The following TRIM58 variants were observed in gnomAD, a reference collection of about 807,000 sequenced individuals.
The protein encoded by TRIM58 is E3 ubiquitin-protein ligase TRIM58.
In TRIM58, 38 loss-of-function variants were observed where a neutral mutation model predicts 34.1. That is an observed-to-expected ratio of 1.12 (90% CI 0.86 to 1.46). The LOEUF is 1.46. TRIM58 is among the 40% of genes most tolerant of loss of function. The probability of loss-of-function intolerance (pLI) is 0.00; values close to 1 mark genes in which losing one functional copy is unlikely to be tolerated. For synonymous variants in TRIM58, 273 were observed against 275.7 expected (o/e 0.99, Z 0.10); for missense variants, 677 against 642.0 (o/e 1.05, Z -0.59).
intron 2 of TRIM58, among the ~76,000 whole-genome samples, chr1:247,861,164 A>G (rs1663783647): frequency 6.6e-6 from 1 of 152,080 alleles, no homozygotes; most frequent in Non-Finnish European, 1.5e-5. Context: ...ACATACACAT[A>G]TTCCATTTTT....
Position 247,857,323 on chromosome 1 carries a change from C to A in TRIM58, c.77C>A (p.Pro26Gln). The change falls in exon 1 of 6, where the codon CCG becomes CAG. Residue 26 changes from proline (P) to glutamine (Q), a missense_variant. Physicochemically the swap from Pro to Gln is moderately conservative, Grantham distance 76. Transcript: ENST00000366481. The stretch of plus-strand genomic sequence containing the variant: ...GTGTGCCTGGATTTCCTGCAGGAGC[C>A]GGTCAGCGTGGACTGCGGCCACAGC... Reference protein sequence around the residue: ...CPVCLDFLQEPVSVDCGHSFC... With the variant: ...CPVCLDFLQEQVSVDCGHSFC... The A allele has an allele frequency of 6.9e-7, 1 of 1,456,724 alleles. No individual in the cohort carries two copies. Among genetic ancestry groups the A allele is most frequent in the Non-Finnish European group, 9.1e-7 (1 of 1,099,560 alleles). 90.2% of individuals were successfully genotyped at this position (1,456,724 alleles called of 1,614,324 possible). A position where few individuals can be genotyped will look rare whatever the true frequency, so the allele number is the denominator to read the frequency against.
At chr1:247,863,285 A>G (rs1056816407) in intron 2 of TRIM58, among the ~76,000 whole-genome samples, 1 of 152,230 alleles carries the variant, frequency 6.6e-6, no homozygotes, top group Non-Finnish European at 1.5e-5. Flanking sequence ...CACGCCTGTA[A>G]TCCCAGCACT....
Position 247,869,048 on chromosome 1 carries a change from T to A in TRIM58, c.871+985T>A, listed in dbSNP as rs545699486. Among the ~76,000 whole-genome samples, 16 of 152,258 alleles carry A rather than the reference T, an allele frequency of 1.1e-4. 1 individual carries two copies. In the South Asian group the frequency reaches 3.3e-3, roughly 32 times the overall value. On this transcript the variant is annotated intron_variant, in intron 5 of 5. Transcript: ENST00000366481. ...CCGAGTAGCTGGGATTACAGGCACA[T>A]GCCACCATGCCTGGCTAATTTTTAT...
intron 5 of TRIM58, among the ~76,000 whole-genome samples, chr1:247,872,952 G>A (rs568080657): frequency 2.0e-5 from 3 of 152,280 alleles, no homozygotes; most frequent in Admixed American, 6.5e-5. Flanking sequence ...ACTCTGGGCC[G>A]GGCGCGGTGG....
In TRIM58 at chr1:247,857,268, G is replaced by A. The variant is rs1663651651; in HGVS notation, c.22G>A (p.Glu8Lys). The change falls in exon 1 of 6, where the codon GAG becomes AAG. Residue 8 changes from glutamate (E) to lysine (K), a missense_variant. By Grantham distance (56) the Glu-to-Lys change is moderately conservative (BLOSUM62 1). Coordinates refer to ENST00000366481, the MANE Select transcript of TRIM58 (RefSeq NM_015431.4). MAWAPPGERLREDARCPV... is the reference protein window; with the variant it reads MAWAPPGKRLREDARCPV... ...GGTCATGGCCTGGGCGCCGCCCGGGGAGCGGCTGCGCGAGGATGCGCGGTG... is the reference window on the plus strand; with the variant it reads ...GGTCATGGCCTGGGCGCCGCCCGGGAAGCGGCTGCGCGAGGATGCGCGGTG... 3 of 1,349,130 alleles carry A rather than the reference G, an allele frequency of 2.2e-6. No homozygotes were observed. Among genetic ancestry groups the A allele is most frequent in the Non-Finnish European group, 2.9e-6 (3 of 1,043,486 alleles). 83.6% of individuals were successfully genotyped at this position (1,349,130 alleles called of 1,614,324 possible).
In TRIM58 at chr1:247,876,177, C is replaced by T. The variant is rs202073339; in HGVS notation, c.1149C>T (p.Ala383=). ...CATCTCCTGAGAATGGGGTCTGGGCCCTGTGGCTGCTGAAAGGGAATGAGT... is the reference window on the plus strand; with the variant it reads ...CATCTCCTGAGAATGGGGTCTGGGCTCTGTGGCTGCTGAAAGGGAATGAGT... ...TTPSPENGVW[A]LWLLKGNEYM... Residue 383 remains alanine, a synonymous_variant, in exon 6 of 6, where the codon GCC becomes GCT. Transcript: ENST00000366481. The T allele has an allele frequency of 3.1e-6, 5 of 1,614,038 alleles. No homozygotes were observed. Among genetic ancestry groups the T allele is most frequent in the Non-Finnish European group, 3.4e-6 (4 of 1,180,048 alleles).
chr1:247,866,443 A>G (rs1182591256), intron 3 of TRIM58, among the ~76,000 whole-genome samples: 1 of 152,050 alleles, frequency 6.6e-6, no homozygotes, highest in African/African-American at 2.4e-5. Context: ...TTGGCCTCCC[A>G]AAGTGTTGGG....
At chr1:247,875,325 A>C (rs566095566) in intron 5 of TRIM58, among the ~76,000 whole-genome samples, 1 of 152,276 alleles carries the variant, frequency 6.6e-6, no homozygotes, top group East Asian at 1.9e-4. Flanking sequence ...GGGGTTTATA[A>C]ATTTTATGTT....
In TRIM58 at chr1:247,867,825, T is replaced by C; in HGVS notation, c.748-20T>C. On this transcript the variant is annotated intron_variant, in intron 3 of 5. Coordinates refer to ENST00000366481, the MANE Select transcript of TRIM58 (RefSeq NM_015431.4). ...GCAGTTCAGAGTCCAACTCACACTG[T>C]GTTTTTCTTTCCTTTTCAGGGTGTG... The C allele has an allele frequency of 6.2e-7, 1 of 1,614,182 alleles. No individual in the cohort carries two copies. Among genetic ancestry groups the C allele is most frequent in the Non-Finnish European group, 8.5e-7 (1 of 1,180,030 alleles).
Position 247,857,660 on chromosome 1 carries a change from CTACCAGGTGAGGCGCCCCCCGGCGGG to C in TRIM58, c.415_420+20del. On this transcript the variant is annotated splice_donor_variant and splice_donor_5th_base_variant and coding_sequence_variant and intron_variant, in exon 1 of 6. Coordinates refer to ENST00000366481, the MANE Select transcript of TRIM58 (RefSeq NM_015431.4). LOFTEE classifies it high-confidence loss of function. ...CGCCGCTGCAGGAGGCCGCCGGCAG[CTACCAGGTGAGGCGCCCCCCGGCGGG>C]GGCTGCGGGCGCTGCGGTGACCGGG... 1 of 1,230,198 alleles carries C rather than the reference CTACCAGGTGAGGCGCCCCCCGGCGGG, an allele frequency of 8.1e-7. No homozygotes were observed. The highest frequency in any genetic ancestry group is 3.2e-4 in the Middle Eastern group (1 of 3,142). 76.2% of individuals were successfully genotyped at this position (1,230,198 alleles called of 1,614,324 possible). A position where few individuals can be genotyped will look rare whatever the true frequency, so the allele number is the denominator to read the frequency against.
In TRIM58 at chr1:247,859,804, A is replaced by G. The variant is rs574915643; in HGVS notation, c.421-813A>G. On this transcript the variant is annotated intron_variant, in intron 1 of 5. Coordinates refer to ENST00000366481, the MANE Select transcript of TRIM58 (RefSeq NM_015431.4). ...GAAATATATAAATATAGAGAAATGT[A>G]TAAATATAGTTATATAGAGAAATAT... Among the ~76,000 whole-genome samples the G allele has an allele frequency of 1.6e-4, 24 of 152,108 alleles. 1 individual carries two copies. In the South Asian group the frequency reaches 2.3e-3, roughly 14 times the overall value.
intron 5 of TRIM58, among the ~76,000 whole-genome samples, chr1:247,870,052 T>C (rs1359306617): frequency 1.3e-5 from 2 of 152,188 alleles, no homozygotes; most frequent in African/African-American, 4.8e-5. Context: ...GACTAAAGTC[T>C]GTCCAGGTGT....
chr1:247,871,310 G>C (rs891726212), intron 5 of TRIM58, among the ~76,000 whole-genome samples: 1 of 152,214 alleles, frequency 6.6e-6, no homozygotes, highest in Admixed American at 6.5e-5. Context: ...TATTGGCTGA[G>C]AATTTGATGA....
In TRIM58 at chr1:247,863,204, G is replaced by T. The variant is rs539338423; in HGVS notation, c.517-1501G>T. On this transcript the variant is annotated intron_variant, in intron 2 of 5. Coordinates refer to ENST00000366481, the MANE Select transcript of TRIM58 (RefSeq NM_015431.4). ...GGATGTTTAGTTTAAAAAGGTGATA[G>T]CTCATGCCTTTTAGTCAAAGCAAGA... Among the ~76,000 whole-genome samples the T allele has an allele frequency of 1.1e-4, 16 of 152,302 alleles. No homozygotes were observed. In the South Asian group the frequency reaches 3.3e-3, roughly 32 times the overall value.
At chr1:247,860,798 C>G (rs1020879771) in intron 2 of TRIM58, 86 bp downstream of exon 2, 5 of 1,078,730 alleles carry the variant, frequency 4.6e-6, no homozygotes, top group African/African-American at 1.6e-5. Context: ...CTTCCATTCT[C>G]CAGCACTTTT....
chr1:247,878,228 G>A lies in TRIM58; in HGVS notation c.*1739G>A, dbSNP rs1659334688. 6.6e-6 allele frequency: 1 copy of A among 151,862 alleles called. No homozygotes were observed. Among genetic ancestry groups the A allele is most frequent in the Admixed American group, 6.6e-5 (1 of 15,232 alleles). The allele number at this position is 151,862 out of a possible 1,614,324, so 9.4% of individuals were successfully genotyped here. A position where few individuals can be genotyped will look rare whatever the true frequency, so the allele number is the denominator to read the frequency against. On this transcript the variant is annotated 3_prime_UTR_variant, in exon 6 of 6. Transcript: ENST00000366481. ...ATAAATATTACACAAATGCTAAAAT[G>A]TTTAAATGGTAAATGCTTCAATGCT...
intron 2 of TRIM58, among the ~76,000 whole-genome samples, chr1:247,864,085 A>G (rs1208678248): frequency 1.3e-5 from 2 of 152,090 alleles, no homozygotes; most frequent in Non-Finnish European, 2.9e-5. Context: ...TGACTGCTCT[A>G]TGCTAATCAC....
rs775628711 is a variant in TRIM58 at position 247,878,286 on chromosome 1, CATT to C, written c.*1800_*1802del. ...TATTAATTAATGGCAAATTATTTAA[CATT>C]ATCTGATAATAATCTGCAGAAGGTT... On this transcript the variant is annotated 3_prime_UTR_variant, in exon 6 of 6. Coordinates refer to ENST00000366481, the MANE Select transcript of TRIM58 (RefSeq NM_015431.4). 6.6e-6 allele frequency: 1 copy of C among 152,100 alleles called. No homozygotes were observed. The highest frequency in any genetic ancestry group is 1.5e-5 in the Non-Finnish European group (1 of 68,020). The allele number at this position is 152,100 out of a possible 1,614,324, so 9.4% of individuals were successfully genotyped here. A position where few individuals can be genotyped will look rare whatever the true frequency, so the allele number is the denominator to read the frequency against.
At position 247,876,795 on chromosome 1, in the gene TRIM58, G is replaced by A. The variant is rs41268361; in HGVS notation, c.*306G>A. On this transcript the variant is annotated 3_prime_UTR_variant, in exon 6 of 6. Transcript: ENST00000366481. ...GATTTCTATGCATTCATTATAATTT[G>A]TTATTCCTTTCAATATCCTTGTATT... 5.2e-5 allele frequency: 17 copies of A among 325,938 alleles called. No homozygotes were observed. Among genetic ancestry groups the A allele is most frequent in the Non-Finnish European group, 8.5e-5 (15 of 177,460 alleles). 20.2% of individuals were successfully genotyped at this position (325,938 alleles called of 1,614,324 possible).
Sources: gnomAD v4.1 joint callset for allele counts (sites outside exome capture counted in the v4.1 genomes callset) on GRCh38, gnomAD v4.1.1 for gene constraint, MANE v1.5 for transcripts, NCBI Gene and HGNC (gene_info 2026-07-23, HGNC 2026-07-21) for gene names.